The following NKAIN2 variants were observed in gnomAD, a reference collection of about 807,000 sequenced individuals.
NKAIN2 encodes the protein sodium/potassium transporting ATPase interacting 2, also known as sodium/potassium-transporting ATPase subunit beta-1-interacting protein 2.
In NKAIN2, 14 loss-of-function variants were observed where a neutral mutation model predicts 32.6. That is an observed-to-expected ratio of 0.43 (90% CI 0.28 to 0.67). NKAIN2 has a LOEUF of 0.67. Ranked by LOEUF, NKAIN2 falls within the 30% of genes least tolerant of loss-of-function variation. The probability of loss-of-function intolerance (pLI) is 0.17; values close to 1 mark genes in which losing one functional copy is unlikely to be tolerated. For missense variants in NKAIN2, 198 were observed against 258.3 expected (o/e 0.77, Z 1.60); for synonymous variants, 80 against 87.2 (o/e 0.92, Z 0.46).
rs144980640 is a variant in NKAIN2, at chr6:124,413,263, G to A, written c.273+57916G>A. 2.6e-4 allele frequency among the ~76,000 whole-genome samples: 39 copies of A among 152,170 alleles called. No individual in the cohort carries two copies. The East Asian group carries it at 7.0e-3, about 27-fold the overall frequency. On this transcript the variant is annotated intron_variant, in intron 3 of 6. Coordinates refer to ENST00000368417, the MANE Select transcript of NKAIN2 (RefSeq NM_001040214.3). ...GCAGAAATCACCTGTCTTCTGCGTC[G>A]CTCTTTTTGTTTAAGAATTGACGTT...
intron 2 of NKAIN2, among the ~76,000 whole-genome samples, chr6:124,309,961 A>G (rs1435411793): frequency 6.6e-6 from 1 of 152,094 alleles, no homozygotes; most frequent in Admixed American, 6.6e-5. Context: ...ACCTCAAACA[A>G]TAGTAAAAGA....
intron 3 of NKAIN2, among the ~76,000 whole-genome samples, chr6:124,609,912 G>C (rs529386199): frequency 2.6e-5 from 4 of 152,206 alleles, no homozygotes; most frequent in Non-Finnish European, 2.9e-5. Flanking sequence ...CTTTGCAATA[G>C]AGACAATAAT....
chr6:124,358,021 C>G (rs9401737), intron 3 of NKAIN2, among the ~76,000 whole-genome samples: 2 of 152,060 alleles, frequency 1.3e-5, no homozygotes, highest in East Asian at 3.9e-4. Flanking sequence ...TGAGAACATG[C>G]GGTGTTTGGT....
At chr6:124,687,826 A>G (rs1430622474) in intron 4 of NKAIN2, among the ~76,000 whole-genome samples, 3 of 148,138 alleles carry the variant, frequency 2.0e-5, no homozygotes, top group Admixed American at 7.0e-5. Flanking sequence ...CCTGACTAAT[A>G]CAATACCCAT....
At chr6:124,345,425 A>G (rs1361295351) in intron 2 of NKAIN2, among the ~76,000 whole-genome samples, 2 of 152,102 alleles carry the variant, frequency 1.3e-5, no homozygotes, top group African/African-American at 4.8e-5. Context: ...GTTCCTCCTT[A>G]TACCTCTGGT....
At chr6:124,161,993 G>T (rs1404903250) in intron 1 of NKAIN2, among the ~76,000 whole-genome samples, 1 of 152,038 alleles carries the variant, frequency 6.6e-6, no homozygotes. Context: ...AATAAAATAA[G>T]ATTATTTGAA....
chr6:124,082,455 C>A (rs900950530), intron 1 of NKAIN2, among the ~76,000 whole-genome samples: 1 of 151,818 alleles, frequency 6.6e-6, no homozygotes, highest in East Asian at 1.9e-4. Context: ...ATATGTACTT[C>A]AATACTATTT....
In NKAIN2 at chr6:124,824,755, C is replaced by A. The variant is rs1302062710; in HGVS notation, c.*1526C>A. ...TCAAAAGTTATAAATTGGCATGGAG[C>A]AAGTTTTTTCTTTGATTTCTATGAA... On this transcript the variant is annotated 3_prime_UTR_variant, in exon 7 of 7. Coordinates refer to ENST00000368417, the MANE Select transcript of NKAIN2 (RefSeq NM_001040214.3). 6.6e-6 allele frequency: 1 copy of A among 152,088 alleles called. No homozygotes were observed. The highest frequency in any genetic ancestry group is 2.4e-5 in the African/African-American group (1 of 41,426). The allele number at this position is 152,088 out of a possible 1,614,324, so 9.4% of individuals were successfully genotyped here. A position where few individuals can be genotyped will look rare whatever the true frequency, so the allele number is the denominator to read the frequency against.
At chr6:124,774,505 C>A (rs147563984) in intron 4 of NKAIN2, among the ~76,000 whole-genome samples, 1 of 151,992 alleles carries the variant, frequency 6.6e-6, no homozygotes, top group Non-Finnish European at 1.5e-5. Context: ...TCTACTAAGA[C>A]GTTCTGAGGG....
chr6:124,355,210 T>A (rs1167656635), intron 2 of NKAIN2, 57 bp from the exon 3 acceptor site: 19 of 1,154,220 alleles, frequency 1.6e-5, no homozygotes, highest in Non-Finnish European at 2.3e-5. Context: ...TTTATTTGAA[T>A]CATACTCAAC....
At chr6:124,540,590 T>A (rs1432832284) in intron 3 of NKAIN2, among the ~76,000 whole-genome samples, 1 of 152,204 alleles carries the variant, frequency 6.6e-6, no homozygotes, top group Non-Finnish European at 1.5e-5. Context: ...GCATGCAAGT[T>A]ACATCACCTC....
At chr6:123,826,092 C>T (rs879674372) in intron 1 of NKAIN2, among the ~76,000 whole-genome samples, 4 of 152,010 alleles carry the variant, frequency 2.6e-5, no homozygotes, top group Non-Finnish European at 5.9e-5. Flanking sequence ...TGGTATTCTT[C>T]GGCCGGAAAA....
intron 4 of NKAIN2, among the ~76,000 whole-genome samples, chr6:124,680,567 TA>T (rs1773570921): frequency 6.6e-6 from 1 of 152,120 alleles, no homozygotes; most frequent in Non-Finnish European, 1.5e-5. Flanking sequence ...GTCTTAGTGG[TA>T]TTTGGCTATC....
intron 4 of NKAIN2, among the ~76,000 whole-genome samples, chr6:124,667,822 TGGGCAGACAC>T (rs1271819483): frequency 6.6e-6 from 1 of 152,112 alleles, no homozygotes; most frequent in African/African-American, 2.4e-5. Context: ...ATTTAAAATA[TGGGCAGACAC>T]ACTTAAGCTA....
At chr6:124,422,803 G>A (rs1774815011) in intron 3 of NKAIN2, among the ~76,000 whole-genome samples, 2 of 152,182 alleles carry the variant, frequency 1.3e-5, no homozygotes, top group Admixed American at 1.3e-4. Flanking sequence ...TGTCTTTTAA[G>A]GTTCAGTGAA....
intron 3 of NKAIN2, among the ~76,000 whole-genome samples, chr6:124,542,626 C>G (rs916736865): frequency 1.3e-5 from 2 of 152,104 alleles, no homozygotes; most frequent in African/African-American, 4.8e-5. Flanking sequence ...AAAGACATTT[C>G]TCTTAAAATC....
chr6:124,684,945 C>T (rs1773791084), intron 4 of NKAIN2, among the ~76,000 whole-genome samples: 1 of 152,140 alleles, frequency 6.6e-6, no homozygotes, highest in Non-Finnish European at 1.5e-5. Flanking sequence ...CTTCTTGTTT[C>T]CTTATCAGAA....
At chr6:124,248,109 G>A (rs1793507823) in intron 1 of NKAIN2, among the ~76,000 whole-genome samples, 1 of 151,968 alleles carries the variant, frequency 6.6e-6, no homozygotes, top group Non-Finnish European at 1.5e-5. Flanking sequence ...ATGAGCTCCA[G>A]AATACATTTT....
chr6:123,862,940 C>T (rs1487286159), intron 1 of NKAIN2, among the ~76,000 whole-genome samples: 1 of 152,136 alleles, frequency 6.6e-6, no homozygotes, highest in Non-Finnish European at 1.5e-5. Context: ...TGGGAGCATC[C>T]AGTGCAGTAT....
Sources: gnomAD v4.1 joint callset for allele counts (sites outside exome capture counted in the v4.1 genomes callset) on GRCh38, gnomAD v4.1.1 for gene constraint, MANE v1.5 for transcripts, NCBI Gene and HGNC (gene_info 2026-07-23, HGNC 2026-07-21) for gene names.